Variants in FMN1 observed in about 807,000 individuals in gnomAD.
The protein encoded by FMN1 is formin-1.
FMN1 carries 110 observed loss-of-function variants against 132.4 expected under a neutral mutation model. That is an observed-to-expected ratio of 0.83 (90% CI 0.71 to 0.97). The LOEUF is 0.97. FMN1 is among the 50% of genes least tolerant of loss of function. The pLI, the probability that FMN1 is intolerant of heterozygous loss-of-function variation, is 0.00. For synonymous variants in FMN1, 722 were observed against 651.7 expected, an observed-to-expected ratio of 1.11 and a Z score of -1.64; for missense variants, 1,792 against 1,705.3, an observed-to-expected ratio of 1.05 and a Z score of -0.90.
intron 7 of FMN1, among the ~76,000 whole-genome samples, chr15:32,990,250 A>C (rs894688591): frequency 6.6e-6 from 1 of 152,160 alleles, no homozygotes; most frequent in Non-Finnish European, 1.5e-5. Flanking sequence ...AACCAGCCAC[A>C]ATTTGGCGTG....
chr15:32,948,473 A>G (rs544186996), intron 9 of FMN1, among the ~76,000 whole-genome samples: 14 of 151,970 alleles, frequency 9.2e-5, no homozygotes, highest in African/African-American at 3.1e-4. Flanking sequence ...TATTTTGTGT[A>G]AGAAAGACAT....
chr15:33,128,554 T>G (rs138800767), intron 4 of FMN1, among the ~76,000 whole-genome samples: 1 of 152,126 alleles, frequency 6.6e-6, no homozygotes, highest in Non-Finnish European at 1.5e-5. Flanking sequence ...ACATACCGAG[T>G]CCGGAGTTTC....
intron 5 of FMN1, among the ~76,000 whole-genome samples, chr15:33,075,020 C>CAAAAAAAAAAAAAAAAAAAAAAA (rs57504432): frequency 1.6e-5 from 1 of 61,662 alleles, no homozygotes; most frequent in African/African-American, 8.4e-5. Context: ...GATTCCATCT[C>CAAAAAAAAAAAAAAAAAAAAAAA]AAAAAAAAAA....
chr15:32,871,253 A>G (rs4780053), intron 16 of FMN1, among the ~76,000 whole-genome samples: 51,259 of 152,120 alleles, frequency 0.34, 9,446 homozygotes, highest in African/African-American at 0.49. Flanking sequence ...ACCATGACCA[A>G]AACACAGTCA....
At chr15:32,778,557 T>C (rs1045181846) in intron 19 of FMN1, among the ~76,000 whole-genome samples, 21 of 151,934 alleles carry the variant, frequency 1.4e-4, no homozygotes, top group African/African-American at 5.1e-4. Context: ...AAAAAGATGC[T>C]CAACATCATT....
intron 16 of FMN1, among the ~76,000 whole-genome samples, chr15:32,884,290 GTTCC>G (rs2059842478): frequency 6.6e-6 from 1 of 152,170 alleles, no homozygotes; most frequent in Non-Finnish European, 1.5e-5. Flanking sequence ...GGGAGAATCT[GTTCC>G]TTGCCTTTTC....
chr15:32,818,909 C>T (rs930915296), intron 17 of FMN1, among the ~76,000 whole-genome samples: 4 of 143,880 alleles, frequency 2.8e-5, no homozygotes, highest in East Asian at 2.0e-4. Context: ...ACAAGTGGCA[C>T]GAAGCTGATT....
In FMN1 at chr15:33,181,046, C is replaced by T. The variant is rs576591756; in HGVS notation, c.-196-784G>A. Among the ~76,000 whole-genome samples the T allele has an allele frequency of 1.1e-4, 17 of 152,248 alleles. No individual in the cohort carries two copies. In the East Asian group the frequency reaches 2.5e-3, roughly 23 times the overall value. On this transcript the variant is annotated intron_variant, in intron 2 of 20. Transcript: ENST00000616417. Reference sequence around the variant, plus strand: ...GATTACAGGCATGAGCCACCATGCCCGGCCTCTCCTGCTCTTAAGGCAGAT... The same window carrying T: ...GATTACAGGCATGAGCCACCATGCCTGGCCTCTCCTGCTCTTAAGGCAGAT...
chr15:32,781,555 C>T (rs1056556359), intron 19 of FMN1, among the ~76,000 whole-genome samples: 1 of 152,178 alleles, frequency 6.6e-6, no homozygotes, highest in Non-Finnish European at 1.5e-5. Context: ...TGGTAGTGGG[C>T]CAGATCCGGC....
intron 3 of FMN1, among the ~76,000 whole-genome samples, chr15:33,168,956 T>A (rs1965213342): frequency 1.3e-5 from 2 of 152,212 alleles, no homozygotes; most frequent in African/African-American, 4.8e-5. Context: ...TTCCTCTTAA[T>A]AAACTGAGCT....
At chr15:32,783,891 A>T (rs2056760561) in intron 19 of FMN1, among the ~76,000 whole-genome samples, 1 of 151,480 alleles carries the variant, frequency 6.6e-6, no homozygotes, top group Non-Finnish European at 1.5e-5. Context: ...TACAGGTTAG[A>T]GGCATACAGC....
At chr15:33,054,437 T>C (rs2037124094) in intron 6 of FMN1, among the ~76,000 whole-genome samples, 1 of 152,198 alleles carries the variant, frequency 6.6e-6, no homozygotes, top group East Asian at 1.9e-4. Flanking sequence ...CATTTTTACA[T>C]GGGTTTGGAT....
chr15:32,870,941 A>G (rs759979032), intron 16 of FMN1, among the ~76,000 whole-genome samples: 4 of 152,220 alleles, frequency 2.6e-5, no homozygotes, highest in Non-Finnish European at 5.9e-5. Context: ...GCTTTAGTAG[A>G]AATGTATTTC....
intron 10 of FMN1, among the ~76,000 whole-genome samples, chr15:32,915,548 T>C (rs2060664562): frequency 6.6e-6 from 1 of 152,260 alleles, no homozygotes; most frequent in African/African-American, 2.4e-5. Context: ...CTTCCACGCA[T>C]GTGTGTGCAC....
At chr15:32,994,242 A>T (rs1479251638) in intron 7 of FMN1, among the ~76,000 whole-genome samples, 13 of 133,702 alleles carry the variant, frequency 9.7e-5, no homozygotes, top group Non-Finnish European at 1.5e-4. Flanking sequence ...TCACACACAC[A>T]CACACACAGA....
chr15:33,100,500 AAGGAGGAAAGGGAGG>A lies in FMN1; in HGVS notation c.1868-11541_1868-11527del, dbSNP rs199763332. 8.4e-3 allele frequency among the ~76,000 whole-genome samples: 1,276 copies of A among 152,206 alleles called. 18 individuals carry two copies. Among genetic ancestry groups the A allele is most frequent in the African/African-American group, 0.029 (1,213 of 41,520 alleles). On this transcript the variant is annotated intron_variant, in intron 4 of 20. Transcript: ENST00000616417. ...TGTTTTGTACATTTTTACATTTTTA[AAGGAGGAAAGGGAGG>A]AGGAGGGGAGGGGTCAAGATGGGGA...
intron 7 of FMN1, among the ~76,000 whole-genome samples, chr15:32,975,124 A>G (rs768048257): frequency 1.3e-5 from 2 of 152,238 alleles, no homozygotes; most frequent in Non-Finnish European, 2.9e-5. Flanking sequence ...CCTGAAAAAA[A>G]TGAAATCAAG....
chr15:33,022,563 A>G (rs537483038), intron 6 of FMN1, among the ~76,000 whole-genome samples: 6 of 152,234 alleles, frequency 3.9e-5, no homozygotes, highest in Non-Finnish European at 5.9e-5. Flanking sequence ...TCCTAAGCCT[A>G]TGTAACAATG....
At chr15:33,119,593 C>T (rs534694208) in intron 4 of FMN1, among the ~76,000 whole-genome samples, 1 of 152,164 alleles carries the variant, frequency 6.6e-6, no homozygotes, top group South Asian at 2.1e-4. Flanking sequence ...CAGCACTATT[C>T]TTGAAGAGCT....
Sources: allele counts gnomAD v4.1 joint callset (sites outside exome capture counted in the v4.1 genomes callset), GRCh38; gene constraint gnomAD v4.1.1; transcripts MANE v1.5; gene names NCBI Gene and HGNC (gene_info 2026-07-23, HGNC 2026-07-21).